Variants in NREP observed in about 807,000 individuals in gnomAD.
NREP encodes the protein neuronal regeneration-related protein.
Under a neutral mutation model 8.6 loss-of-function variants are expected in NREP, and 5 were observed. The observed-to-expected ratio is 0.58, with a 90% confidence interval of 0.30 to 1.22. The LOEUF is 1.22. Ranked by LOEUF, NREP falls within the 50% of genes most tolerant of loss-of-function variation. NREP has a pLI of 0.07. For missense variants in NREP, 86 were observed against 82.5 expected (o/e 1.04, Z -0.17); for synonymous variants, 27 against 28.0 (o/e 0.96, Z 0.11).
intron 2 of NREP, among the ~76,000 whole-genome samples, chr5:111,905,469 C>T (rs1227553922): frequency 6.6e-6 from 1 of 152,104 alleles, no homozygotes; most frequent in Non-Finnish European, 1.5e-5. Context: ...AAACCAATAA[C>T]ATAAGGTAAC....
intron 2 of NREP, among the ~76,000 whole-genome samples, chr5:111,940,922 C>G (rs1755811577): frequency 6.6e-6 from 1 of 151,966 alleles, no homozygotes; most frequent in African/African-American, 2.4e-5. Flanking sequence ...AGGGCAAGGT[C>G]GAGATTTCTG....
At chr5:111,968,774 G>T (rs1322996285) in intron 2 of NREP, among the ~76,000 whole-genome samples, 1 of 152,096 alleles carries the variant, frequency 6.6e-6, no homozygotes. Flanking sequence ...CAGCATCTGG[G>T]CAGTACTACA....
intron 2 of NREP, among the ~76,000 whole-genome samples, chr5:111,740,152 A>G (rs1749525606): frequency 6.6e-6 from 1 of 152,158 alleles, no homozygotes; most frequent in Non-Finnish European, 1.5e-5. Flanking sequence ...TTTTTCTATG[A>G]TGCTATATTT....
intron 2 of NREP, among the ~76,000 whole-genome samples, chr5:111,789,849 T>G (rs1253106955): frequency 2.0e-5 from 3 of 152,184 alleles, no homozygotes; most frequent in African/African-American, 7.2e-5. Flanking sequence ...TATAAGATCT[T>G]AGGGCTATAG....
At chr5:111,865,403 AG>A (rs1056507355) in intron 2 of NREP, among the ~76,000 whole-genome samples, 2 of 152,032 alleles carry the variant, frequency 1.3e-5, no homozygotes, top group African/African-American at 4.8e-5. Flanking sequence ...AATACATGGG[AG>A]GGTTGTAGCT....
intron 2 of NREP, among the ~76,000 whole-genome samples, chr5:111,737,116 C>CAT (rs1419209050): frequency 8.5e-5 from 13 of 152,330 alleles, no homozygotes; most frequent in Admixed American, 8.5e-4. Flanking sequence ...TACTTTTCCA[C>CAT]ATATTCCTCT....
intron 2 of NREP, among the ~76,000 whole-genome samples, chr5:111,827,063 G>A (rs1035449893): frequency 5.3e-5 from 8 of 152,248 alleles, no homozygotes; most frequent in Admixed American, 1.3e-4. Context: ...CTGATTGCTC[G>A]TTAATAGTTG....
In NREP at chr5:111,783,484, A is replaced by G. The variant is rs79570856; in HGVS notation, c.136-47977T>C. On this transcript the variant is annotated intron_variant, in intron 2 of 3. Transcript: ENST00000395634. ...CAACGAAATGAAAGTTAGTTAAGAT[A>G]TCTGTGGGGAACAACTTTGCATTAT... Among the ~76,000 whole-genome samples, 1,202 of 152,348 alleles carry G rather than the reference A, an allele frequency of 7.9e-3. 19 individuals are homozygous for G. Among genetic ancestry groups the G allele is most frequent in the African/African-American group, 0.028 (1,155 of 41,582 alleles).
intron 2 of NREP, among the ~76,000 whole-genome samples, chr5:111,806,713 C>G (rs1033234836): frequency 5.7e-4 from 85 of 150,118 alleles, no homozygotes; most frequent in African/African-American, 2.0e-3. Context: ...ATCTAAGTTT[C>G]TTTTTGTTTG....
At chr5:111,974,216 G>T (rs1386871084) in intron 2 of NREP, among the ~76,000 whole-genome samples, 1 of 152,186 alleles carries the variant, frequency 6.6e-6, no homozygotes, top group Non-Finnish European at 1.5e-5. Flanking sequence ...CACTTTAACA[G>T]CTAACAAAAT....
intron 2 of NREP, among the ~76,000 whole-genome samples, chr5:111,822,657 T>C (rs577570395): frequency 1.4e-4 from 22 of 152,306 alleles, no homozygotes; most frequent in Non-Finnish European, 3.1e-4. Flanking sequence ...AGTCTGAAAT[T>C]TTCTCCATAA....
intron 2 of NREP, among the ~76,000 whole-genome samples, chr5:111,881,740 G>C (rs1300050768): frequency 6.6e-6 from 1 of 152,136 alleles, no homozygotes; most frequent in Non-Finnish European, 1.5e-5. Context: ...TGGACCTCTA[G>C]CAAACTCCAA....
chr5:111,816,189 T>G (rs917600704), intron 2 of NREP, among the ~76,000 whole-genome samples: 1 of 152,154 alleles, frequency 6.6e-6, no homozygotes, highest in Non-Finnish European at 1.5e-5. Flanking sequence ...GAATAAGAGA[T>G]AGAGACTTTT....
intron 2 of NREP, among the ~76,000 whole-genome samples, chr5:111,941,832 A>G (rs987682592): frequency 1.3e-5 from 2 of 152,072 alleles, no homozygotes; most frequent in Non-Finnish European, 2.9e-5. Context: ...GTAAATCTAC[A>G]TTCTGTTATC....
intron 2 of NREP, among the ~76,000 whole-genome samples, chr5:111,851,728 T>C (rs1045952695): frequency 2.6e-5 from 4 of 152,144 alleles, no homozygotes; most frequent in African/African-American, 7.2e-5. Context: ...ATGGTGACTA[T>C]AGTTAATATA....
intron 2 of NREP, among the ~76,000 whole-genome samples, chr5:111,834,896 G>T (rs1452769055): frequency 6.6e-6 from 1 of 152,144 alleles, no homozygotes; most frequent in Non-Finnish European, 1.5e-5. Context: ...GCTTTAGCAG[G>T]AGGTTCAGAC....
At chr5:111,843,055 T>C (rs1052376213) in intron 2 of NREP, among the ~76,000 whole-genome samples, 2 of 152,156 alleles carry the variant, frequency 1.3e-5, no homozygotes, top group Non-Finnish European at 2.9e-5. Flanking sequence ...TTTTTGATTA[T>C]TTGGGATCCA....
chr5:111,824,230 G>A (rs1276377607), intron 2 of NREP, among the ~76,000 whole-genome samples: 19 of 152,204 alleles, frequency 1.2e-4, no homozygotes, highest in African/African-American at 3.9e-4. Flanking sequence ...TTAGCCTGGC[G>A]TAGTGGTGGG....
intron 2 of NREP, among the ~76,000 whole-genome samples, chr5:111,886,328 G>T (rs889106707): frequency 1.3e-5 from 2 of 152,044 alleles, no homozygotes; most frequent in African/African-American, 4.8e-5. Context: ...AACAACAGGT[G>T]CTGGAGAGGA....
Sources: gnomAD v4.1 joint callset for allele counts (sites outside exome capture counted in the v4.1 genomes callset) on GRCh38, gnomAD v4.1.1 for gene constraint, MANE v1.5 for transcripts, NCBI Gene and HGNC (gene_info 2026-07-23, HGNC 2026-07-21) for gene names.